Variants in FBXL20 observed in about 807,000 individuals in gnomAD.
The protein encoded by FBXL20 is F-box/LRR-repeat protein 20.
A neutral mutation model predicts 64.0 loss-of-function variants in FBXL20; 11 were observed. That is an observed-to-expected ratio of 0.17 (90% CI 0.11 to 0.28). FBXL20 has a LOEUF of 0.28. Among genes scored for constraint, FBXL20 ranks in the 10% least tolerant of loss-of-function variants. FBXL20 has a pLI of 1.00. For synonymous variants in FBXL20, 184 were observed against 189.0 expected, an observed-to-expected ratio of 0.97 and a Z score of 0.22; for missense variants, 303 against 526.2, an observed-to-expected ratio of 0.58 and a Z score of 4.15.
chr17:39,269,183 G>T (rs1356760946), intron 11 of FBXL20, among the ~76,000 whole-genome samples: 1 of 150,904 alleles, frequency 6.6e-6, no homozygotes, highest in African/African-American at 2.4e-5. Context: ...GCTAATTTTT[G>T]TATTTCTTTT....
intron 9 of FBXL20, among the ~76,000 whole-genome samples, chr17:39,279,227 G>C (rs999093119): frequency 7.2e-5 from 11 of 152,110 alleles, no homozygotes; most frequent in Non-Finnish European, 1.5e-5. Context: ...GAAGAGCCCA[G>C]GTAGCTCACG....
Position 39,270,812 on chromosome 17 carries a change from A to G in FBXL20, c.872T>C (p.Phe291Ser). The G allele has an allele frequency of 6.2e-7, 1 of 1,611,400 alleles. No individual in the cohort carries two copies. ...AATACTTACCCTGGCTAGAGTGGTA[A>G]AGCCCACATCTGTTAATTGAGAACA... ...ARCSQLTDVG[F>S]TTLARNCHEL... Residue 291 changes from phenylalanine to serine, a missense_variant, in exon 11 of 15, where the codon TTT becomes TCT. By Grantham distance (155) the Phe-to-Ser change is radical (BLOSUM62 -2). Around this residue, in one of 3 missense-constraint regions of FBXL20, gnomAD observed 246 missense variants for 422.6 expected, o/e 0.58. Coordinates refer to ENST00000264658, the MANE Select transcript of FBXL20 (RefSeq NM_032875.3).
At chr17:39,274,266 T>A (rs644173) in intron 10 of FBXL20, among the ~76,000 whole-genome samples, 1 of 152,050 alleles carries the variant, frequency 6.6e-6, no homozygotes, top group Admixed American at 6.5e-5. Flanking sequence ...TAGCCAGGTG[T>A]GGTAGCACAT....
chr17:39,399,418 T>C (rs1184357884), intron 1 of FBXL20, among the ~76,000 whole-genome samples: 3 of 152,226 alleles, frequency 2.0e-5, no homozygotes, highest in Non-Finnish European at 2.9e-5. Context: ...CAATTACTAA[T>C]TGTCTCAGTC....
chr17:39,277,381 T>C (rs911735966), intron 9 of FBXL20, among the ~76,000 whole-genome samples: 6 of 152,206 alleles, frequency 3.9e-5, no homozygotes, highest in African/African-American at 1.2e-4. Flanking sequence ...AAAAGTACCG[T>C]AGGGCTGTGC....
At chr17:39,271,100 A>G (rs1191818290) in intron 10 of FBXL20, among the ~76,000 whole-genome samples, 4 of 152,248 alleles carry the variant, frequency 2.6e-5, no homozygotes, top group African/African-American at 9.6e-5. Context: ...ACAGAAGAAT[A>G]TAATTGAAGC....
At chr17:39,309,511 T>C (rs2047212277) in intron 2 of FBXL20, among the ~76,000 whole-genome samples, 1 of 152,184 alleles carries the variant, frequency 6.6e-6, no homozygotes, top group African/African-American at 2.4e-5. Flanking sequence ...TTTTATTTTA[T>C]TTATTTATTT....
chr17:39,279,334 C>CA (rs1389392816), intron 9 of FBXL20, among the ~76,000 whole-genome samples: 1 of 151,140 alleles, frequency 6.6e-6, no homozygotes, highest in African/African-American at 2.4e-5. Context: ...CCTATCTCTA[C>CA]AAAAAAATTA....
At chr17:39,281,523 T>C (rs1399739565) in intron 8 of FBXL20, 60 bp from the exon 9 acceptor site, 1 of 1,423,716 alleles carries the variant, frequency 7.0e-7, no homozygotes, top group South Asian at 1.2e-5. Flanking sequence ...AGGAAAGAGA[T>C]TTAAGAATGT....
intron 2 of FBXL20, among the ~76,000 whole-genome samples, chr17:39,319,673 CAAAA>C (rs71300077): frequency 1.5e-4 from 7 of 47,304 alleles, no homozygotes; most frequent in African/African-American, 5.4e-4. Context: ...GACTCCATAT[CAAAA>C]AAAAAAAAAA....
chr17:39,386,261 C>T lies in FBXL20; in HGVS notation c.42+15100G>A, dbSNP rs552167046. On this transcript the variant is annotated intron_variant, in intron 1 of 14. Transcript: ENST00000264658. ...GGCAGAGGTTGCAGTGAGCGGAGAT[C>T]GCGCCACTGCACTCCAGCCTGGGTG... Among the ~76,000 whole-genome samples the T allele has an allele frequency of 3.2e-3, 479 of 151,964 alleles. 3 individuals are homozygous for T. The highest frequency in any genetic ancestry group is 0.011 in the African/African-American group (461 of 41,420).
intron 1 of FBXL20, among the ~76,000 whole-genome samples, chr17:39,394,628 G>A (rs948288713): frequency 1.5e-4 from 23 of 149,546 alleles, no homozygotes; most frequent in African/African-American, 4.9e-4. Context: ...GCGCTGGCAC[G>A]ATCTCAGCTC....
chr17:39,277,754 C>CAAAAAAAAAAAAAAAAAAAAA (rs34095802), intron 9 of FBXL20, among the ~76,000 whole-genome samples: 1 of 89,936 alleles, frequency 1.1e-5, no homozygotes, highest in African/African-American at 4.6e-5. Flanking sequence ...AACTCCGTCT[C>CAAAAAAAAAAAAAAAAAAAAA]AAAAAAAAAA....
chr17:39,288,744 T>A (rs1275381220), intron 6 of FBXL20, among the ~76,000 whole-genome samples: 1 of 152,124 alleles, frequency 6.6e-6, no homozygotes, highest in African/African-American at 2.4e-5. Context: ...AGTCTTGCTT[T>A]GTCACCCAGG....
intron 7 of FBXL20, among the ~76,000 whole-genome samples, chr17:39,284,165 G>C (rs966441992): frequency 6.6e-6 from 1 of 152,122 alleles, no homozygotes; most frequent in African/African-American, 2.4e-5. Context: ...CAGCTTTCTA[G>C]ATTTTCTTAG....
intron 1 of FBXL20, among the ~76,000 whole-genome samples, chr17:39,369,256 C>CTT (rs72363930): frequency 0.013 from 1,311 of 98,504 alleles, 21 homozygotes; most frequent in Middle Eastern, 0.021. Context: ...GAATTCAATG[C>CTT]TTTTTTTTTT....
upstream of FBXL20, chr17:39,401,717 C>A (rs1439508590): frequency 8.9e-7 from 1 of 1,126,230 alleles, no homozygotes; most frequent in Non-Finnish European, 1.1e-6. Flanking sequence ...CCTCGGAGCG[C>A]CCGGGAGGGG....
chr17:39,396,139 A>T (rs551232971), intron 1 of FBXL20, among the ~76,000 whole-genome samples: 1 of 151,938 alleles, frequency 6.6e-6, no homozygotes, highest in Non-Finnish European at 1.5e-5. Context: ...TACAAACTTA[A>T]ATATTATAGT....
chr17:39,289,784 C>T (rs1327948166), intron 6 of FBXL20, among the ~76,000 whole-genome samples: 2 of 151,792 alleles, frequency 1.3e-5, no homozygotes, highest in African/African-American at 4.8e-5. Context: ...CAGTTGAGGC[C>T]AGTAGTTCAA....
Sources: allele counts gnomAD v4.1 joint callset (sites outside exome capture counted in the v4.1 genomes callset), GRCh38; gene constraint gnomAD v4.1.1; regional missense constraint gnomAD v4.1.1; transcripts MANE v1.5; gene names NCBI Gene and HGNC (gene_info 2026-07-23, HGNC 2026-07-21).